The following LCP1 variants were observed in gnomAD, a reference collection of about 807,000 sequenced individuals.
LCP1 encodes plastin-2.
A neutral mutation model predicts 72.0 loss-of-function variants in LCP1; 23 were observed. The ratio of observed to expected loss-of-function variants is 0.32; its 90% CI spans 0.23 to 0.45. The LOEUF (loss-of-function observed/expected upper bound fraction) is 0.45. Ranked by LOEUF, LCP1 falls within the 20% of genes least tolerant of loss-of-function variation. The pLI, the probability that LCP1 is intolerant of heterozygous loss-of-function variation, is 1.00. For missense variants in LCP1, 571 were observed against 748.3 expected (o/e 0.76, Z 2.76); for synonymous variants, 245 against 275.4 (o/e 0.89, Z 1.09).
chr13:46,137,959 C>A (rs1277703844), intron 13 of LCP1, among the ~76,000 whole-genome samples: 1 of 152,218 alleles, frequency 6.6e-6, no homozygotes, highest in African/African-American at 2.4e-5. Context: ...ACAAACCAGG[C>A]ATTTTGTTTT....
chr13:46,144,746 C>A (rs1055726303), intron 10 of LCP1, among the ~76,000 whole-genome samples: 1 of 152,138 alleles, frequency 6.6e-6, no homozygotes, highest in Non-Finnish European at 1.5e-5. Context: ...TGTGTGGAAT[C>A]CTGTGTGGGG....
rs372194965 is a variant in LCP1 at position 46,163,428 on chromosome 13, T to C, written c.-24-3742A>G. ...CAGATGTGCTTTGTTAAACAGATGCTTGAAGGCAGCATGCTCGTTAAGAGT... is the reference window on the plus strand; with the variant it reads ...CAGATGTGCTTTGTTAAACAGATGCCTGAAGGCAGCATGCTCGTTAAGAGT... On this transcript the variant is annotated intron_variant, in intron 1 of 15. Transcript: ENST00000323076. Among the ~76,000 whole-genome samples the C allele has an allele frequency of 1.2e-4, 19 of 152,270 alleles. No homozygotes were observed. In the East Asian group the frequency reaches 2.1e-3, roughly 17 times the overall value.
chr13:46,154,079 T>C (rs1021620532), intron 6 of LCP1, among the ~76,000 whole-genome samples: 4 of 152,234 alleles, frequency 2.6e-5, no homozygotes, highest in African/African-American at 9.6e-5. Context: ...CTTGTTCTAG[T>C]GCTTAAATGA....
At chr13:46,162,609 T>G (rs1001008919) in intron 1 of LCP1, among the ~76,000 whole-genome samples, 13 of 152,110 alleles carry the variant, frequency 8.5e-5, no homozygotes, top group East Asian at 7.7e-4. Context: ...GTGCTCAATG[T>G]TGCCCAGGCT....
chr13:46,158,387 C>T (rs1332321547), intron 4 of LCP1, 135 bp downstream of exon 4: 1 of 916,056 alleles, frequency 1.1e-6, no homozygotes, highest in Non-Finnish European at 1.6e-6. Context: ...AACTGACCCA[C>T]TTAGTCACAG....
intron 7 of LCP1, 35 bp downstream of exon 7, chr13:46,152,745 C>T (rs1460909391): frequency 1.9e-5 from 30 of 1,596,688 alleles, no homozygotes; most frequent in Non-Finnish European, 2.6e-5. Context: ...TATTAGAAAG[C>T]TGTGTCATAA....
chr13:46,158,409 G>A (rs371130354), intron 4 of LCP1, 113 bp downstream of exon 4: 4 of 1,209,884 alleles, frequency 3.3e-6, no homozygotes, highest in Non-Finnish European at 4.6e-6. Context: ...AAAATTGGGA[G>A]TCATCCATAA....
chr13:46,143,580 G>A (rs529919641), intron 11 of LCP1, among the ~76,000 whole-genome samples, 176 bp from the exon 12 acceptor site: 2 of 152,250 alleles, frequency 1.3e-5, no homozygotes, highest in Admixed American at 1.3e-4. Context: ...GAGATTGGGG[G>A]ACTCACTCTT....
In LCP1 at chr13:46,127,167, C is replaced by T; in HGVS notation, c.*424G>A. The T allele has an allele frequency of 4.3e-6, 1 of 234,714 alleles. No individual in the cohort carries two copies. Among genetic ancestry groups the T allele is most frequent in the East Asian group, 6.1e-5 (1 of 16,482 alleles). 14.5% of individuals were successfully genotyped at this position (234,714 alleles called of 1,614,324 possible). A position where few individuals can be genotyped will look rare whatever the true frequency, so the allele number is the denominator to read the frequency against. On this transcript the variant is annotated 3_prime_UTR_variant, in exon 16 of 16. Coordinates refer to ENST00000323076, the MANE Select transcript of LCP1 (RefSeq NM_002298.5). ...CAGATCAAATGCTGACCTCCAGGAA[C>T]AGGGTTTAGGGCAGGTGTGATGTTT...
At chr13:46,146,808 A>G (rs2045733316) in intron 10 of LCP1, 100 bp downstream of exon 10, 2 of 1,180,630 alleles carry the variant, frequency 1.7e-6, no homozygotes, top group South Asian at 1.2e-5. Context: ...CTGTTTGCAC[A>G]TGTAAATAGT....
In LCP1 at chr13:46,159,688, T is replaced by C. The variant is rs2045825978; in HGVS notation, c.-24-2A>G. ...TTTTTATTGCTTTAGGTAACAGATC[T>C]GGAGAGAAGAAGAACATAAGGGATA... On this transcript the variant is annotated splice_acceptor_variant, in intron 1 of 15. Transcript: ENST00000323076. LOFTEE classifies it low-confidence loss of function (5UTR_SPLICE). 1 of 1,580,320 alleles carries C rather than the reference T, an allele frequency of 6.3e-7. No individual in the cohort carries two copies. Among genetic ancestry groups the C allele is most frequent in the African/African-American group, 1.3e-5 (1 of 74,176 alleles).
intron 8 of LCP1, chr13:46,148,856 A>G: frequency 1.2e-6 from 1 of 812,340 alleles, no homozygotes; most frequent in Non-Finnish European, 1.5e-6. Flanking sequence ...GCACAAGTTT[A>G]AAGCGAGTTT....
chr13:46,158,976 A>G lies in LCP1; in HGVS notation c.78T>C (p.Asn26=). The G allele has an allele frequency of 6.2e-7, 1 of 1,614,102 alleles. No homozygotes were observed. The highest frequency in any genetic ancestry group is 8.5e-7 in the Non-Finnish European group (1 of 1,180,004). The change falls in exon 3 of 16, where the codon AAT becomes AAC. Residue 26 remains asparagine, a synonymous_variant. Transcript: ENST00000323076. ...EAFAKVDTDG[N]GYISFNELND... ...TCAACTCATTGAAGCTGATGTATCC[A>G]TTGCCATCAGTATCTGTAATGTACA...
At chr13:46,170,401 G>A (rs766563550) in intron 1 of LCP1, among the ~76,000 whole-genome samples, 10 of 152,208 alleles carry the variant, frequency 6.6e-5, no homozygotes, top group East Asian at 1.9e-4. Flanking sequence ...CAGATCCTGA[G>A]GCTGGGCTTC....
At chr13:46,134,382 GA>G in intron 13 of LCP1, 132 bp from the exon 14 acceptor site, 2 of 704,426 alleles carry the variant, frequency 2.8e-6, no homozygotes, top group South Asian at 2.1e-5. Context: ...ACATTTGAGA[GA>G]AAAAAAGAAC....
At chr13:46,148,487 G>T (rs377012306) in intron 8 of LCP1, 40 bp from the exon 9 acceptor site, 12 of 1,205,202 alleles carry the variant, frequency 1.0e-5, no homozygotes, top group Non-Finnish European at 1.5e-5. Context: ...AAATAGCACA[G>T]CTAATTACAT....
chr13:46,182,020 C>G (rs537173388), intron 1 of LCP1, 91 bp downstream of exon 1: 1 of 152,288 alleles, frequency 6.6e-6, no homozygotes, highest in Non-Finnish European at 1.5e-5. Flanking sequence ...GATCTCTGGT[C>G]CCCTGAAGGC....
chr13:46,140,710 A>G (rs2045692216), intron 13 of LCP1, among the ~76,000 whole-genome samples: 1 of 152,200 alleles, frequency 6.6e-6, no homozygotes, highest in Admixed American at 6.5e-5. Flanking sequence ...AGTTACTGTA[A>G]TTATTTTCTG....
chr13:46,130,245 A>G (rs1033294302), intron 15 of LCP1, among the ~76,000 whole-genome samples: 2 of 152,236 alleles, frequency 1.3e-5, no homozygotes, highest in African/African-American at 4.8e-5. Context: ...CTTTGTTGCA[A>G]CTATGCAACT....
Sources: gnomAD v4.1 joint callset for allele counts (sites outside exome capture counted in the v4.1 genomes callset) on GRCh38, gnomAD v4.1.1 for gene constraint, MANE v1.5 for transcripts, NCBI Gene and HGNC (gene_info 2026-07-23, HGNC 2026-07-21) for gene names.